Variants in CACNA1C observed in about 807,000 individuals in gnomAD.
CACNA1C encodes calcium voltage-gated channel subunit alpha1 C.
Under a neutral mutation model 229.0 loss-of-function variants are expected in CACNA1C, and 30 were observed. The observed-to-expected ratio is 0.13, with a 90% CI of 0.10 to 0.18. The LOEUF (loss-of-function observed/expected upper bound fraction) is 0.18. CACNA1C is among the 10% of genes least tolerant of loss of function. The pLI is 1.00. For synonymous variants in CACNA1C, 1,114 were observed against 1,132.5 expected, an observed-to-expected ratio of 0.98 and a Z score of 0.33; for missense variants, 1,658 against 2,845.0, an observed-to-expected ratio of 0.58 and a Z score of 9.49.
intron 3 of CACNA1C, among the ~76,000 whole-genome samples, chr12:2,436,701 C>T (rs1031080713): frequency 6.6e-6 from 1 of 152,238 alleles, no homozygotes; most frequent in Non-Finnish European, 1.5e-5. Context: ...GGTGGAAGCA[C>T]TGGGCACCGT....
At chr12:2,613,586 A>G (rs1003116601) in intron 29 of CACNA1C, 4 of 152,236 alleles carry the variant, frequency 2.6e-5, no homozygotes, top group African/African-American at 4.8e-5. Flanking sequence ...CTTTGGTGAT[A>G]GAACGGTGGT....
intron 3 of CACNA1C, among the ~76,000 whole-genome samples, chr12:2,414,424 C>T (rs151005172): frequency 9.9e-5 from 15 of 152,226 alleles, no homozygotes; most frequent in African/African-American, 1.4e-4. Flanking sequence ...ACCAGCTTCC[C>T]GTGGATGGCC....
intron 3 of CACNA1C, among the ~76,000 whole-genome samples, chr12:2,141,332 T>A (rs76328006): frequency 0.04 from 6,029 of 151,260 alleles, 402 homozygotes; most frequent in South Asian, 0.056. Context: ...GCCTTGACTT[T>A]AGCATTCCCA....
At position 2,054,029 on chromosome 12, in the gene CACNA1C, G is replaced by C. The variant is rs1198951115; in HGVS notation, c.49+418G>C. Among the ~76,000 whole-genome samples, 1 of 146,716 alleles carries C rather than the reference G, an allele frequency of 6.8e-6. No homozygotes were observed. Among genetic ancestry groups the C allele is most frequent in the Non-Finnish European group, 1.5e-5 (1 of 66,012 alleles). On this transcript the variant is annotated intron_variant, in intron 1 of 46. Coordinates refer to ENST00000399655, the MANE Select transcript of CACNA1C (RefSeq NM_000719.7). This position sits in a 1 kb window ranked among gnomAD's most constrained non-coding sequence, Gnocchi z 5.5. ...CGGGGTCCCTCGCCCGGCTCGGGGC[G>C]CGGCTGGGAGCGCGCGCGCGCGCAC...
chr12:2,270,664 G>A (rs1427848315), intron 3 of CACNA1C, among the ~76,000 whole-genome samples: 1 of 152,198 alleles, frequency 6.6e-6, no homozygotes, highest in Non-Finnish European at 1.5e-5. Flanking sequence ...GGAAGCAGGA[G>A]TGGAAGGTCA....
At position 2,695,020 on chromosome 12, in the gene CACNA1C, A is replaced by T. The variant is rs1269063031; in HGVS notation, c.*3821A>T. On this transcript the variant is annotated 3_prime_UTR_variant, in exon 47 of 47. Coordinates refer to ENST00000399655, the MANE Select transcript of CACNA1C (RefSeq NM_000719.7). Reference sequence around the variant, plus strand: ...TGAAATATCATTGTCAAGGATTAGAAACAATTCAGCAAAGAGGCCACAAAA... The same window carrying T: ...TGAAATATCATTGTCAAGGATTAGATACAATTCAGCAAAGAGGCCACAAAA... The T allele has an allele frequency of 6.6e-6, 1 of 152,214 alleles. No individual in the cohort carries two copies. The highest frequency in any genetic ancestry group is 2.4e-5 in the African/African-American group (1 of 41,438). 9.4% of individuals were successfully genotyped at this position (152,214 alleles called of 1,614,324 possible).
At chr12:2,238,578 G>C (rs1034072556) in intron 3 of CACNA1C, among the ~76,000 whole-genome samples, 5 of 152,200 alleles carry the variant, frequency 3.3e-5, no homozygotes, top group Non-Finnish European at 5.9e-5. Flanking sequence ...AGGTAGCTCT[G>C]ACAGGCCTCA....
rs150056084 is a variant in CACNA1C, at chr12:1,993,627, GGTGTGTGTGTGTGT to G, written c.139+22443_139+22456del. On this transcript the variant is annotated intron_variant, in intron 1 of 46. Transcript: ENST00000682462. ...TAAAATTGAGTCATACTTCATTTGT[GGTGTGTGTGTGTGT>G]GTGTGTGTGTGTGTGTATACAGATG... 7.5e-4 allele frequency among the ~76,000 whole-genome samples: 110 copies of G among 146,584 alleles called. 1 individual carries two copies. Among genetic ancestry groups the G allele is most frequent in the African/African-American group, 2.8e-3 (110 of 39,830 alleles).
At chr12:2,404,687 C>A (rs1358735397) in intron 3 of CACNA1C, among the ~76,000 whole-genome samples, 2 of 152,086 alleles carry the variant, frequency 1.3e-5, no homozygotes, top group African/African-American at 4.8e-5. Flanking sequence ...TGGCCAAGCA[C>A]ATGAAGACAA....
rs1435418349 is a variant in CACNA1C, at chr12:2,695,778, A to G, written c.*4579A>G. ...GCCTCTTCTGGGTTTAACTTCATTCATCAATTTATTCTTATGTCAAAGCAA... is the reference window on the plus strand; with the variant it reads ...GCCTCTTCTGGGTTTAACTTCATTCGTCAATTTATTCTTATGTCAAAGCAA... On this transcript the variant is annotated 3_prime_UTR_variant, in exon 47 of 47. Coordinates refer to ENST00000399655, the MANE Select transcript of CACNA1C (RefSeq NM_000719.7). 1 of 152,188 alleles carries G rather than the reference A, an allele frequency of 6.6e-6. No individual in the cohort carries two copies. The highest frequency in any genetic ancestry group is 1.9e-4 in the East Asian group (1 of 5,188). The allele number at this position is 152,188 out of a possible 1,614,324, so 9.4% of individuals were successfully genotyped here. A position where few individuals can be genotyped will look rare whatever the true frequency, so the allele number is the denominator to read the frequency against.
At chr12:2,516,130 C>T (rs1254716283) in intron 9 of CACNA1C, among the ~76,000 whole-genome samples, 1 of 152,016 alleles carries the variant, frequency 6.6e-6, no homozygotes, top group East Asian at 1.9e-4. Context: ...ACGATCGAGG[C>T]AGCATTGGAA....
Position 2,346,140 on chromosome 12 carries a change from G to A in CACNA1C, c.478-102836G>A, listed in dbSNP as rs982959371. Among the ~76,000 whole-genome samples, 1 of 152,160 alleles carries A rather than the reference G, an allele frequency of 6.6e-6. No individual in the cohort carries two copies. Among genetic ancestry groups the A allele is most frequent in the Non-Finnish European group, 1.5e-5 (1 of 68,018 alleles). ...AGCCTTCCCAAGACCTGGATCCGCT[G>A]CAAGGTGATAGCCGTGGCTTGGTTG... On this transcript the variant is annotated intron_variant, in intron 3 of 46. Transcript: ENST00000399655. The surrounding 1 kb of genome is among the most constrained non-coding windows in gnomAD (Gnocchi z 4.4).
At chr12:2,603,004 C>T (rs1298941083) in intron 22 of CACNA1C, among the ~76,000 whole-genome samples, 3 of 152,076 alleles carry the variant, frequency 2.0e-5, no homozygotes, top group Non-Finnish European at 4.4e-5. Context: ...GGCCTAAGTC[C>T]CAGCGTTCCT....
chr12:2,355,956 C>T (rs190669851), intron 3 of CACNA1C, among the ~76,000 whole-genome samples: 15 of 152,340 alleles, frequency 9.8e-5, no homozygotes, highest in Admixed American at 5.2e-4. Context: ...CAGCTGCTTG[C>T]ATCTTGCCCC....
chr12:2,001,426 A>T (rs902398718), intron 1 of CACNA1C, among the ~76,000 whole-genome samples: 18 of 152,248 alleles, frequency 1.2e-4, no homozygotes, highest in African/African-American at 4.3e-4. Context: ...TGCTAAAGAA[A>T]TAAGCAATTC....
chr12:2,664,030 G>C (rs1217961340), intron 34 of CACNA1C, among the ~76,000 whole-genome samples: 1 of 152,146 alleles, frequency 6.6e-6, no homozygotes. Flanking sequence ...GTGAGCCACC[G>C]CGCCCGGCCA....
chr12:2,499,019 C>T (rs1242830670), intron 7 of CACNA1C, among the ~76,000 whole-genome samples: 1 of 152,114 alleles, frequency 6.6e-6, no homozygotes, highest in African/African-American at 2.4e-5. Context: ...TTTCTTCCCC[C>T]ATGTAAACTA....
chr12:2,353,313 C>T (rs1459939398), intron 3 of CACNA1C, among the ~76,000 whole-genome samples: 1 of 152,192 alleles, frequency 6.6e-6, no homozygotes, highest in Non-Finnish European at 1.5e-5. Flanking sequence ...GAGTGAGCCC[C>T]CCCTGGTGCT....
chr12:2,631,477 AGT>A (rs2090370014), intron 29 of CACNA1C, among the ~76,000 whole-genome samples: 1 of 152,190 alleles, frequency 6.6e-6, no homozygotes, highest in Non-Finnish European at 1.5e-5. Flanking sequence ...TCTAATTTTA[AGT>A]CTTATGCATA....
Sources: gnomAD v4.1 joint callset for allele counts (sites outside exome capture counted in the v4.1 genomes callset) on GRCh38, gnomAD v4.1.1 for gene constraint, Gnocchi (gnomAD v3.1) non-coding constraint, MANE v1.5 for transcripts, NCBI Gene and HGNC (gene_info 2026-07-23, HGNC 2026-07-21) for gene names.